Variants in ZC3HAV1 observed in about 807,000 individuals in gnomAD.
ZC3HAV1 encodes zinc finger CCCH-type antiviral protein 1.
Under a neutral mutation model 86.6 loss-of-function variants are expected in ZC3HAV1, and 41 were observed. The observed-to-expected ratio is 0.47, with a 90% confidence interval of 0.37 to 0.61. ZC3HAV1 has a LOEUF of 0.61. ZC3HAV1 is among the 20% of genes least tolerant of loss of function. The probability of loss-of-function intolerance (pLI) is 0.00; values close to 1 mark genes in which losing one functional copy is unlikely to be tolerated. For missense variants in ZC3HAV1, 964 were observed against 1,141.1 expected (o/e 0.84, Z 2.24); for synonymous variants, 421 against 432.1 (o/e 0.97, Z 0.32).
In ZC3HAV1 at chr7:139,057,831, C is replaced by T. The variant is rs1369859973; in HGVS notation, c.2097-2536G>A. Among the ~76,000 whole-genome samples the T allele has an allele frequency of 5.3e-5, 8 of 150,698 alleles. 3 individuals carry two copies. In the East Asian group the frequency reaches 9.8e-4, roughly 18 times the overall value. On this transcript the variant is annotated intron_variant, in intron 9 of 12. Coordinates refer to ENST00000242351, the MANE Select transcript of ZC3HAV1 (RefSeq NM_020119.4). ...CTGGGATTACAGACGTGAGCCACCGCGCCCGGCCAACAATTACATTTTAAA... is the reference window on the plus strand; with the variant it reads ...CTGGGATTACAGACGTGAGCCACCGTGCCCGGCCAACAATTACATTTTAAA...
rs141106217 is a variant in ZC3HAV1 at position 139,096,150 on chromosome 7, A to G, written c.309-6391T>C. On this transcript the variant is annotated intron_variant, in intron 1 of 12. Coordinates refer to ENST00000242351, the MANE Select transcript of ZC3HAV1 (RefSeq NM_020119.4). Reference sequence around the variant, plus strand: ...CTGCCTCAGCCTCCCGAGTAGCTGGAATTATAGGCATGCACCACCACTCCC... The same window carrying G: ...CTGCCTCAGCCTCCCGAGTAGCTGGGATTATAGGCATGCACCACCACTCCC... Among the ~76,000 whole-genome samples, 1,284 of 152,074 alleles carry G rather than the reference A, an allele frequency of 8.4e-3. 22 individuals are homozygous for G. Among genetic ancestry groups the G allele is most frequent in the African/African-American group, 0.03 (1,226 of 41,472 alleles).
At chr7:139,102,151 A>G (rs1238047145) in intron 1 of ZC3HAV1, among the ~76,000 whole-genome samples, 1 of 152,146 alleles carries the variant, frequency 6.6e-6, no homozygotes, top group Non-Finnish European at 1.5e-5. Context: ...TTGTTTTTTC[A>G]GAGGCAGGGT....
At chr7:139,068,001 T>A (rs1816653989) in intron 7 of ZC3HAV1, among the ~76,000 whole-genome samples, 1 of 148,034 alleles carries the variant, frequency 6.8e-6, no homozygotes, top group African/African-American at 2.5e-5. Context: ...TTCATTCTGG[T>A]ATAGGGAGGA....
At chr7:139,095,887 T>A (rs540479480) in intron 1 of ZC3HAV1, among the ~76,000 whole-genome samples, 11 of 152,276 alleles carry the variant, frequency 7.2e-5, no homozygotes, top group Admixed American at 5.2e-4. Flanking sequence ...CAGTATTTTT[T>A]AAAGATTTCC....
At chr7:139,084,611 G>T (rs933648163) in intron 2 of ZC3HAV1, among the ~76,000 whole-genome samples, 1 of 152,194 alleles carries the variant, frequency 6.6e-6, no homozygotes, top group African/African-American at 2.4e-5. Context: ...GAGGATGCTG[G>T]TTTTAAAATC....
intron 9 of ZC3HAV1, among the ~76,000 whole-genome samples, chr7:139,058,440 A>ACCC (rs56132797): frequency 8.4e-6 from 1 of 119,208 alleles, no homozygotes; most frequent in Non-Finnish European, 1.8e-5. Context: ...CTAACCCCCA[A>ACCC]CCCCCCCCCC....
chr7:139,052,824 G>A (rs540790497), intron 12 of ZC3HAV1, among the ~76,000 whole-genome samples: 1 of 152,026 alleles, frequency 6.6e-6, no homozygotes, highest in East Asian at 1.9e-4. Context: ...AGTTACTTGA[G>A]GGGCTGAAGT....
At chr7:139,064,408 A>G (rs1816538264) in intron 8 of ZC3HAV1, among the ~76,000 whole-genome samples, 1 of 152,228 alleles carries the variant, frequency 6.6e-6, no homozygotes, top group Admixed American at 6.5e-5. Context: ...TGGAAGGCAA[A>G]GTACTTTAAT....
At chr7:139,072,211 A>ATTTT (rs1816794172) in intron 7 of ZC3HAV1, among the ~76,000 whole-genome samples, 2 of 151,282 alleles carry the variant, frequency 1.3e-5, no homozygotes, top group Non-Finnish European at 1.5e-5. Flanking sequence ...TTTTTTTGGA[A>ATTTT]TCTCACTTTT....
At chr7:139,070,035 T>C (rs1027245984) in intron 7 of ZC3HAV1, among the ~76,000 whole-genome samples, 2 of 152,120 alleles carry the variant, frequency 1.3e-5, no homozygotes, top group Admixed American at 6.6e-5. Flanking sequence ...CCTGGAAACA[T>C]TATTTTAATT....
At chr7:139,092,775 C>T (rs937808502) in intron 1 of ZC3HAV1, among the ~76,000 whole-genome samples, 15 of 152,208 alleles carry the variant, frequency 9.9e-5, no homozygotes, top group African/African-American at 3.6e-4. Context: ...CCTGGTTTTC[C>T]TTCTCATTTT....
At chr7:139,074,226 A>G (rs577483272) in intron 6 of ZC3HAV1, among the ~76,000 whole-genome samples, 196 bp from the exon 7 acceptor site, 6 of 152,208 alleles carry the variant, frequency 3.9e-5, no homozygotes, top group Non-Finnish European at 7.3e-5. Flanking sequence ...CCTGCACCAC[A>G]TAATTAATGG....
At chr7:139,068,023 C>CA (rs1563128877) in intron 7 of ZC3HAV1, among the ~76,000 whole-genome samples, 14 of 137,134 alleles carry the variant, frequency 1.0e-4, no homozygotes, top group African/African-American at 3.0e-4. Flanking sequence ...CTCTTTCTTT[C>CA]TTTATTATTA....
intron 2 of ZC3HAV1, among the ~76,000 whole-genome samples, chr7:139,087,778 C>G (rs1181391008): frequency 6.6e-6 from 1 of 151,880 alleles, no homozygotes; most frequent in Non-Finnish European, 1.5e-5. Flanking sequence ...CCTGTAATCC[C>G]AGTACTTTGA....
intron 3 of ZC3HAV1, among the ~76,000 whole-genome samples, chr7:139,082,201 G>A (rs950613465): frequency 1.1e-4 from 16 of 151,992 alleles, no homozygotes; most frequent in African/African-American, 3.9e-4. Flanking sequence ...GGAGGCGGCC[G>A]GCCATTGCAG....
At chr7:139,073,552 G>A (rs539233793) in intron 7 of ZC3HAV1, among the ~76,000 whole-genome samples, 5 of 152,084 alleles carry the variant, frequency 3.3e-5, no homozygotes, top group Admixed American at 6.5e-5. Context: ...ATGCAGTGGC[G>A]AAATCTCAGC....
chr7:139,078,765 A>G, intron 4 of ZC3HAV1, 112 bp from the exon 5 acceptor site: 1 of 859,090 alleles, frequency 1.2e-6, no homozygotes. Flanking sequence ...ATGTTCAAGA[A>G]AATTCCTATG....
At chr7:139,082,644 A>G (rs1817158555) in intron 3 of ZC3HAV1, among the ~76,000 whole-genome samples, 1 of 152,230 alleles carries the variant, frequency 6.6e-6, no homozygotes, top group African/African-American at 2.4e-5. Context: ...TTATATACAT[A>G]CAATGAAATA....
intron 12 of ZC3HAV1, 97 bp from the exon 13 acceptor site, chr7:139,047,950 CAT>C: frequency 7.9e-7 from 1 of 1,261,364 alleles, no homozygotes; most frequent in Non-Finnish European, 1.1e-6. Context: ...GTGGACTAAG[CAT>C]ATGTCAATAA....
Sources: gnomAD v4.1 joint callset for allele counts (sites outside exome capture counted in the v4.1 genomes callset) on GRCh38, gnomAD v4.1.1 for gene constraint, MANE v1.5 for transcripts, NCBI Gene and HGNC (gene_info 2026-07-23, HGNC 2026-07-21) for gene names.